Variants in ADCY8 observed in about 807,000 individuals in gnomAD.
ADCY8 encodes adenylate cyclase type 8.
In ADCY8, 51 loss-of-function variants were observed where a neutral mutation model predicts 119.7. The ratio of observed to expected loss-of-function variants is 0.43; its 90% CI spans 0.34 to 0.54. The LOEUF (loss-of-function observed/expected upper bound fraction) is 0.54. Ranked by LOEUF, ADCY8 falls within the 20% of genes least tolerant of loss-of-function variation. The probability of loss-of-function intolerance (pLI) is 0.03; values close to 1 mark genes in which losing one functional copy is unlikely to be tolerated. For synonymous variants in ADCY8, 665 were observed against 651.0 expected, an observed-to-expected ratio of 1.02 and a Z score of -0.33; for missense variants, 1,383 against 1,598.8, an observed-to-expected ratio of 0.87 and a Z score of 2.30.
At chr8:130,832,028 G>C (rs1338063168) in intron 12 of ADCY8, among the ~76,000 whole-genome samples, 4 of 152,204 alleles carry the variant, frequency 2.6e-5, no homozygotes. Context: ...GCTTAGAGAA[G>C]TTAAATCATT....
chr8:130,828,556 C>G (rs1042298845), intron 12 of ADCY8, among the ~76,000 whole-genome samples: 2 of 152,298 alleles, frequency 1.3e-5, no homozygotes, highest in Middle Eastern at 6.8e-3. Context: ...AATAGGGATC[C>G]TTTCCATGAG....
chr8:130,873,792 G>A (rs1007528789), intron 8 of ADCY8, among the ~76,000 whole-genome samples: 2 of 152,036 alleles, frequency 1.3e-5, no homozygotes, highest in Non-Finnish European at 2.9e-5. Flanking sequence ...GGGAAATCAA[G>A]TCCTCAATTG....
intron 3 of ADCY8, among the ~76,000 whole-genome samples, chr8:130,949,991 C>A (rs552680412): frequency 6.6e-6 from 1 of 152,260 alleles, no homozygotes; most frequent in South Asian, 2.1e-4. Context: ...CCTGCTATGC[C>A]CGCTGAAGGG....
At chr8:130,893,728 GT>G (rs1022465813) in intron 7 of ADCY8, among the ~76,000 whole-genome samples, 17 of 151,334 alleles carry the variant, frequency 1.1e-4, no homozygotes, top group Non-Finnish European at 2.1e-4. Context: ...TTATGTGTGT[GT>G]TTGTGGGTGT....
chr8:130,854,640 A>G (rs1176256011), intron 9 of ADCY8, among the ~76,000 whole-genome samples: 1 of 152,210 alleles, frequency 6.6e-6, no homozygotes, highest in African/African-American at 2.4e-5. Context: ...TTTGCCAGAA[A>G]TAGGCTTGGT....
chr8:130,926,084 G>A (rs1422830904), intron 5 of ADCY8, among the ~76,000 whole-genome samples: 1 of 152,102 alleles, frequency 6.6e-6, no homozygotes, highest in Non-Finnish European at 1.5e-5. Flanking sequence ...TAACCCTATT[G>A]TTTTAATTTA....
chr8:131,009,200 C>T (rs1011925194), intron 1 of ADCY8, among the ~76,000 whole-genome samples: 1 of 152,166 alleles, frequency 6.6e-6, no homozygotes, highest in African/African-American at 2.4e-5. Context: ...CAGCAGCCTC[C>T]CTACCCCATC....
At chr8:131,000,558 A>G (rs999833502) in intron 1 of ADCY8, among the ~76,000 whole-genome samples, 1 of 152,176 alleles carries the variant, frequency 6.6e-6, no homozygotes, top group African/African-American at 2.4e-5. Context: ...ACACTATAAC[A>G]TGAGCATTCT....
intron 3 of ADCY8, among the ~76,000 whole-genome samples, chr8:130,944,243 A>G (rs1337496957): frequency 6.6e-6 from 1 of 152,226 alleles, no homozygotes; most frequent in Non-Finnish European, 1.5e-5. Flanking sequence ...CACATGGCAT[A>G]GCTGGGATTG....
intron 5 of ADCY8, among the ~76,000 whole-genome samples, chr8:130,923,767 T>C (rs1369724357): frequency 6.6e-6 from 1 of 152,206 alleles, no homozygotes; most frequent in Non-Finnish European, 1.5e-5. Context: ...TGAACAGACA[T>C]GCATGAGATG....
intron 5 of ADCY8, among the ~76,000 whole-genome samples, chr8:130,927,840 T>C (rs1240832905): frequency 2.0e-5 from 3 of 152,224 alleles, no homozygotes; most frequent in African/African-American, 4.8e-5. Flanking sequence ...AGTACCTATA[T>C]TGAATAGAAG....
At chr8:130,837,584 C>T (rs1405248189) in intron 11 of ADCY8, among the ~76,000 whole-genome samples, 3 of 152,202 alleles carry the variant, frequency 2.0e-5, no homozygotes, top group African/African-American at 7.2e-5. Context: ...TAGAGTAGCC[C>T]TTAGGTGTCA....
intron 1 of ADCY8, among the ~76,000 whole-genome samples, chr8:131,024,680 T>C (rs1423721744): frequency 6.6e-6 from 1 of 152,228 alleles, no homozygotes; most frequent in Non-Finnish European, 1.5e-5. Context: ...ATTATCACAA[T>C]TACTAGTCCG....
chr8:130,924,107 C>G (rs1820392532), intron 5 of ADCY8, among the ~76,000 whole-genome samples: 1 of 152,190 alleles, frequency 6.6e-6, no homozygotes, highest in African/African-American at 2.4e-5. Flanking sequence ...ACCATGATGA[C>G]TAAGATAGAC....
intron 17 of ADCY8, among the ~76,000 whole-genome samples, chr8:130,783,322 T>C (rs992273683): frequency 1.3e-5 from 2 of 152,200 alleles, no homozygotes; most frequent in Non-Finnish European, 2.9e-5. Flanking sequence ...GAGCAATACA[T>C]TGACCACCAG....
chr8:130,978,316 A>C (rs1348833781), intron 2 of ADCY8, among the ~76,000 whole-genome samples: 1 of 152,204 alleles, frequency 6.6e-6, no homozygotes, highest in Non-Finnish European at 1.5e-5. Flanking sequence ...TTGCAAATTC[A>C]GTTGGACAGT....
intron 8 of ADCY8, among the ~76,000 whole-genome samples, chr8:130,882,466 A>G (rs2130453171): frequency 6.6e-6 from 1 of 152,268 alleles, no homozygotes; most frequent in Non-Finnish European, 1.5e-5. Flanking sequence ...TGACAAAAGG[A>G]AAATGAAGAC....
At chr8:130,871,810 G>A (rs1305201527) in intron 8 of ADCY8, among the ~76,000 whole-genome samples, 2 of 152,028 alleles carry the variant, frequency 1.3e-5, no homozygotes, top group Admixed American at 1.3e-4. Flanking sequence ...TATTCCCCTT[G>A]CTTCTTGAAA....
intron 1 of ADCY8, among the ~76,000 whole-genome samples, chr8:131,014,606 C>T (rs1823411819): frequency 6.6e-6 from 1 of 152,116 alleles, no homozygotes; most frequent in Non-Finnish European, 1.5e-5. Context: ...GGAAAAGCCT[C>T]ACCATAGTGC....
Sources: gnomAD v4.1 joint callset for allele counts (sites outside exome capture counted in the v4.1 genomes callset) on GRCh38, gnomAD v4.1.1 for gene constraint, MANE v1.5 for transcripts, NCBI Gene and HGNC (gene_info 2026-07-23, HGNC 2026-07-21) for gene names.